Variants in CFAP74 observed in about 807,000 individuals in gnomAD.
CFAP74 encodes the protein cilia- and flagella-associated protein 74.
CFAP74 carries 124 observed loss-of-function variants against 188.9 expected under a neutral mutation model. The observed-to-expected ratio is 0.66, with a 90% CI of 0.57 to 0.76. CFAP74 has a LOEUF of 0.76. CFAP74 is among the 30% of genes least tolerant of loss of function. CFAP74 has a pLI of 0.00. For synonymous variants in CFAP74, 956 were observed against 916.7 expected (o/e 1.04, Z -0.77); for missense variants, 2,198 against 2,165.2 (o/e 1.02, Z -0.30).
Position 1,923,415 on chromosome 1 carries a change from CG to C in CFAP74, c.4473del (p.Val1492TrpfsTer4), listed in dbSNP as rs765947977. The C allele has an allele frequency of 9.6e-5, 153 of 1,599,322 alleles. 1 individual carries two copies. Among genetic ancestry groups the C allele is most frequent in the Admixed American group, 7.0e-5 (4 of 57,298 alleles). On this transcript the variant is annotated frameshift_variant, in exon 36 of 39. Transcript: ENST00000682832. LOFTEE classifies it high-confidence loss of function. This position sits in a 1 kb window ranked among gnomAD's most constrained non-coding sequence, Gnocchi z 6.3. ...FVEGGDPLDV[P>X]VESLTAIPVF... is the part of the protein sequence containing the mutation. Reference sequence around the variant, plus strand: ...ACAGGGATCGCTGTCAGAGACTCCACGGGCACGTCCAGGGGGTCGCCGCCCT... The same window carrying C: ...ACAGGGATCGCTGTCAGAGACTCCACGGCACGTCCAGGGGGTCGCCGCCCT...
chr1:1,984,585 T>A (rs1657117190), intron 6 of CFAP74: 1 of 152,482 alleles, frequency 6.6e-6, no homozygotes, highest in Admixed American at 6.5e-5. Flanking sequence ...GGGTCGTGAC[T>A]GTATCACAGC....
intron 25 of CFAP74, among the ~76,000 whole-genome samples, chr1:1,937,253 C>T (rs921763490): frequency 1.3e-5 from 2 of 152,252 alleles, no homozygotes; most frequent in African/African-American, 4.8e-5. Context: ...GCCAGCGTGG[C>T]TTTTGAAGTG....
Position 1,938,922 on chromosome 1 carries a change from C to A in CFAP74, c.2944G>T (p.Val982Leu). 1.3e-6 allele frequency: 2 copies of A among 1,536,182 alleles called. No homozygotes were observed. Among genetic ancestry groups the A allele is most frequent in the Non-Finnish European group, 1.7e-6 (2 of 1,146,910 alleles). Residue 982 changes from valine to leucine, a missense_variant, in exon 25 of 39, where the codon GTG becomes TTG. Transcript: ENST00000682832. ...TCGGCCTTGGTGGGCTGGAAGATCA[C>A]ACAGAACTGCAGCGTTTCCAGGGGC... ...ILPLETLQFC[V>L]IFQPTKAEEH...
At chr1:1,960,193 C>T (rs372604436) in intron 14 of CFAP74, 163 bp from the exon 15 acceptor site, 1 of 629,118 alleles carries the variant, frequency 1.6e-6, no homozygotes, top group Middle Eastern at 4.0e-4. Flanking sequence ...GGATCTGCTG[C>T]ATTCCCTGCT....
At chr1:1,981,144 T>G (rs4648742) in intron 6 of CFAP74, among the ~76,000 whole-genome samples, 31,675 of 152,214 alleles carry the variant, frequency 0.21, 4,139 homozygotes, top group Non-Finnish European at 0.29. Context: ...CTCTCTCCGT[T>G]GGGCTCTACC....
intron 9 of CFAP74, among the ~76,000 whole-genome samples, chr1:1,971,121 TCACACGTGCA>T (rs1367274489): frequency 4.1e-5 from 5 of 123,218 alleles, no homozygotes; most frequent in Admixed American, 8.2e-5. Context: ...ACACACATGC[TCACACGTGCA>T]CACACATGCT....
At chr1:1,994,171 G>C (rs1389798179) in intron 1 of CFAP74, among the ~76,000 whole-genome samples, 1 of 98,694 alleles carries the variant, frequency 1.0e-5, no homozygotes, top group Non-Finnish European at 1.8e-5. Context: ...ACTCTAAAAG[G>C]GTTAAAAAAA....
intron 32 of CFAP74, 131 bp downstream of exon 32, chr1:1,926,097 G>A: frequency 7.1e-7 from 1 of 1,409,662 alleles, no homozygotes; most frequent in Non-Finnish European, 9.4e-7. Flanking sequence ...GGGCCTGGGG[G>A]CCAGGCTGCT....
chr1:1,997,953 A>G (rs1658001220), intron 1 of CFAP74, among the ~76,000 whole-genome samples: 1 of 152,230 alleles, frequency 6.6e-6, no homozygotes, highest in Non-Finnish European at 1.5e-5. Context: ...CCTGAAAGTG[A>G]GCACAAACTG....
At chr1:1,957,128 G>A (rs1030448846) in intron 16 of CFAP74, among the ~76,000 whole-genome samples, 1 of 152,212 alleles carries the variant, frequency 6.6e-6, no homozygotes, top group African/African-American at 2.4e-5. Context: ...CCTGGGTGAG[G>A]TCAGCTGGAC....
At chr1:1,961,404 C>T (rs1283460829) in intron 14 of CFAP74, among the ~76,000 whole-genome samples, 1 of 152,172 alleles carries the variant, frequency 6.6e-6, no homozygotes, top group African/African-American at 2.4e-5. Flanking sequence ...AGCCAGGTAT[C>T]CTCCAAAAAA....
At position 1,923,510 on chromosome 1, in the gene CFAP74, G is replaced by C. The variant is rs1319166351; in HGVS notation, c.4390-11C>G. Reference sequence around the variant, plus strand: ...CTGGTGGGAGATTTTCTGGGGACAAGAAGTGGAGTGGCCTTGTCCCCGAAG... The same window carrying C: ...CTGGTGGGAGATTTTCTGGGGACAACAAGTGGAGTGGCCTTGTCCCCGAAG... On this transcript the variant is annotated splice_polypyrimidine_tract_variant and intron_variant, in intron 35 of 38. Transcript: ENST00000682832. This position sits in a 1 kb window ranked among gnomAD's most constrained non-coding sequence, Gnocchi z 6.3. The C allele has an allele frequency of 5.6e-6, 9 of 1,605,248 alleles. 1 individual carries two copies. The South Asian group carries it at 9.9e-5, about 18-fold the overall frequency.
chr1:1,926,298 TGGTTCAGCAGGACAAAGGGGCCGTTGG>T lies in CFAP74; in HGVS notation c.3851_3877del (p.Pro1284_Asn1292del). On this transcript the variant is annotated inframe_deletion, in exon 32 of 39. Coordinates refer to ENST00000682832, the MANE Select transcript of CFAP74 (RefSeq NM_001304360.2). ...CCCACCTGCACGCAGCAGGCTGGAG[TGGTTCAGCAGGACAAAGGGGCCGTTGG>T]GGTTCAGCAGGGAGAAGTCCAGCTG... The T allele has an allele frequency of 6.5e-7, 1 of 1,545,058 alleles. No homozygotes were observed. Among genetic ancestry groups the T allele is most frequent in the African/African-American group, 1.4e-5 (1 of 72,776 alleles).
At chr1:1,969,724 G>A (rs540295723) in intron 10 of CFAP74, among the ~76,000 whole-genome samples, 7 of 152,266 alleles carry the variant, frequency 4.6e-5, no homozygotes, top group Admixed American at 1.3e-4. Flanking sequence ...AGGTGGGCAG[G>A]CTGATGGGTG....
At chr1:1,995,261 A>G (rs997169031) in intron 1 of CFAP74, among the ~76,000 whole-genome samples, 1 of 151,988 alleles carries the variant, frequency 6.6e-6, no homozygotes, top group African/African-American at 2.4e-5. Context: ...CACTTTGGGA[A>G]GCCGAGGTGG....
chr1:1,970,004 C>T (rs1482991502), intron 10 of CFAP74, among the ~76,000 whole-genome samples: 1 of 152,010 alleles, frequency 6.6e-6, no homozygotes, highest in African/African-American at 2.4e-5. Flanking sequence ...CTGGGAAAGG[C>T]GAGACTGAGC....
chr1:1,926,038 C>T, intron 32 of CFAP74, 100 bp from the exon 33 acceptor site: 1 of 1,419,720 alleles, frequency 7.0e-7, no homozygotes. Flanking sequence ...GGAGTTGAGA[C>T]AGCTCTGGGG....
chr1:1,971,092 C>G (rs946679328), intron 9 of CFAP74, among the ~76,000 whole-genome samples: 1 of 148,386 alleles, frequency 6.7e-6, no homozygotes, highest in African/African-American at 2.6e-5. Context: ...CTCATACATG[C>G]ACACCTGCAC....
Position 1,959,108 on chromosome 1 carries a change from C to G in CFAP74, c.1851+12G>C, listed in dbSNP as rs375963880. ...CCCCGAGAAATGCTGGCTCGGACAC[C>G]TTTGAACTCACCGAACATTTCTTTG... is the stretch of plus-strand genomic sequence containing the variant. On this transcript the variant is annotated intron_variant, in intron 16 of 38. Coordinates refer to ENST00000682832, the MANE Select transcript of CFAP74 (RefSeq NM_001304360.2). The G allele has an allele frequency of 3.1e-6, 5 of 1,599,436 alleles. No individual in the cohort carries two copies. The highest frequency in any genetic ancestry group is 4.3e-6 in the Non-Finnish European group (5 of 1,167,414).
Sources: gnomAD v4.1 joint callset for allele counts (sites outside exome capture counted in the v4.1 genomes callset) on GRCh38, gnomAD v4.1.1 for gene constraint, Gnocchi (gnomAD v3.1) non-coding constraint, MANE v1.5 for transcripts, NCBI Gene and HGNC (gene_info 2026-07-23, HGNC 2026-07-21) for gene names.